KANSL1: variants seen among roughly 807,000 people sequenced by gnomAD.
KANSL1 encodes MLL1/MLL complex subunit KANSL1.
KANSL1 carries 22 observed loss-of-function variants against 103.6 expected under a neutral mutation model. The ratio of observed to expected loss-of-function variants is 0.21; its 90% CI spans 0.15 to 0.30. The LOEUF (loss-of-function observed/expected upper bound fraction) is 0.30. Ranked by LOEUF, KANSL1 falls within the 10% of genes least tolerant of loss-of-function variation. The probability of loss-of-function intolerance (pLI) is 1.00; values close to 1 mark genes in which losing one functional copy is unlikely to be tolerated. For missense variants in KANSL1, 1,337 were observed against 1,399.8 expected (o/e 0.96, Z 0.72); for synonymous variants, 600 against 527.6 (o/e 1.14, Z -1.88).
chr17:46,094,285 C>T (rs2079528893), intron 3 of KANSL1: 1 of 408,130 alleles, frequency 2.5e-6, no homozygotes, highest in Non-Finnish European at 4.3e-6. Flanking sequence ...TTTGTAAAGA[C>T]AAGGTCTCAC....
intron 2 of KANSL1, among the ~76,000 whole-genome samples, chr17:46,133,596 T>C (rs915108099): frequency 6.6e-6 from 1 of 152,218 alleles, no homozygotes; most frequent in African/African-American, 2.4e-5. Flanking sequence ...CTAGTGCTTT[T>C]GTATAGTTTT....
chr17:46,054,357 G>C (rs947013035), intron 6 of KANSL1, among the ~76,000 whole-genome samples: 1 of 152,122 alleles, frequency 6.6e-6, no homozygotes, highest in Non-Finnish European at 1.5e-5. Context: ...ACCGGTCCCA[G>C]TCATGAAATC....
chr17:46,066,917 T>C (rs1011040855), intron 5 of KANSL1, among the ~76,000 whole-genome samples, 185 bp from the exon 6 acceptor site: 2 of 152,250 alleles, frequency 1.3e-5, no homozygotes, highest in African/African-American at 4.8e-5. Context: ...TCTACCTGTG[T>C]GTGCTTATGT....
chr17:46,082,664 T>C, intron 3 of KANSL1, 122 bp from the exon 4 acceptor site: 1 of 504,186 alleles, frequency 2.0e-6, no homozygotes, highest in Non-Finnish European at 3.5e-6. Context: ...CACCCTATGG[T>C]TCAGAAACAA....
chr17:46,039,755 T>G lies in KANSL1; in HGVS notation c.2150A>C (p.Asp717Ala). The G allele has an allele frequency of 6.2e-7, 1 of 1,614,190 alleles. No individual in the cohort carries two copies. Among genetic ancestry groups the G allele is most frequent in the Non-Finnish European group, 8.5e-7 (1 of 1,180,020 alleles). Residue 717 changes from aspartate to alanine, a missense_variant, in exon 8 of 15, where the codon GAT becomes GCT. Physicochemically the swap from Asp to Ala is moderately radical, Grantham distance 126. Transcript: ENST00000432791. ...HRAPMPGSLPDSARKDRHKLV... is the reference protein window; with the variant it reads ...HRAPMPGSLPASARKDRHKLV... ...TTTGTGCCTGTCCTTACGAGCTGAATCTGGCAGACTGCCCGGCATGGGTGC... is the reference window on the plus strand; with the variant it reads ...TTTGTGCCTGTCCTTACGAGCTGAAGCTGGCAGACTGCCCGGCATGGGTGC...
Position 46,171,552 on chromosome 17 carries a change from A to T in KANSL1, c.592T>A (p.Ser198Thr), listed in dbSNP as rs1180563845. 3.1e-6 allele frequency: 5 copies of T among 1,610,570 alleles called. No homozygotes were observed. The highest frequency in any genetic ancestry group is 4.2e-6 in the Non-Finnish European group (5 of 1,178,474). ...LHGGEMGGSE[S>T]GDLKGGMTNC... is the part of the protein sequence containing the mutation. ...GTCATACCCCCCTTCAAGTCCCCAG[A>T]TTCAGATCCTCCCATTTCACCCCCA... Residue 198 changes from serine (S) to threonine (T), a missense_variant, in exon 2 of 15, where the codon TCT (serine) becomes ACT (threonine). Coordinates refer to ENST00000432791, the MANE Select transcript of KANSL1 (RefSeq NM_015443.4).
intron 4 of KANSL1, among the ~76,000 whole-genome samples, chr17:46,075,722 T>G (rs2146751942): frequency 6.6e-6 from 1 of 152,338 alleles, no homozygotes; most frequent in Non-Finnish European, 1.5e-5. Context: ...GTCTACAGGT[T>G]CCTATCAGTT....
intron 1 of KANSL1, among the ~76,000 whole-genome samples, chr17:46,179,506 G>C (rs905608137): frequency 3.9e-5 from 6 of 152,224 alleles, no homozygotes; most frequent in African/African-American, 1.2e-4. Flanking sequence ...GGGAAGAAAA[G>C]TTTGCCCATA....
intron 2 of KANSL1, among the ~76,000 whole-genome samples, chr17:46,169,161 T>C (rs2532277): frequency 0.12 from 18,421 of 150,120 alleles, 22 homozygotes; most frequent in Middle Eastern, 0.19. Flanking sequence ...AAGATATTTT[T>C]AAAGCGGTGA....
chr17:46,073,092 A>G (rs115618956), intron 4 of KANSL1, among the ~76,000 whole-genome samples: 237 of 152,330 alleles, frequency 1.6e-3, no homozygotes, highest in African/African-American at 5.4e-3. Context: ...TGTCAGGCCA[A>G]TGAACTACTC....
At chr17:46,208,936 C>G (rs1373956009) in intron 1 of KANSL1, among the ~76,000 whole-genome samples, 1 of 152,024 alleles carries the variant, frequency 6.6e-6, no homozygotes, top group Non-Finnish European at 1.5e-5. Flanking sequence ...TTTGGGAGGC[C>G]GAGTGGGGCG....
intron 1 of KANSL1, among the ~76,000 whole-genome samples, chr17:46,191,588 T>G (rs2047325771): frequency 6.6e-6 from 1 of 150,962 alleles, no homozygotes; most frequent in South Asian, 2.1e-4. Flanking sequence ...TAGCAATCTA[T>G]AACTATATCA....
chr17:46,172,556 C>A (rs1023994991), intron 1 of KANSL1, among the ~76,000 whole-genome samples: 2 of 152,066 alleles, frequency 1.3e-5, no homozygotes, highest in Non-Finnish European at 2.9e-5. Flanking sequence ...AAAAAAAAAT[C>A]TCTTTAAGCT....
intron 2 of KANSL1, among the ~76,000 whole-genome samples, chr17:46,162,512 C>G (rs1376056811): frequency 6.6e-6 from 1 of 152,214 alleles, no homozygotes; most frequent in African/African-American, 2.4e-5. Context: ...CATATCCATC[C>G]AATGTAGTTA....
At chr17:46,054,737 C>A (rs1281606863) in intron 6 of KANSL1, among the ~76,000 whole-genome samples, 1 of 152,182 alleles carries the variant, frequency 6.6e-6, no homozygotes, top group Admixed American at 6.6e-5. Flanking sequence ...CTATATTTCT[C>A]CAAGATAGCA....
intron 2 of KANSL1, among the ~76,000 whole-genome samples, 191 bp from the exon 3 acceptor site, chr17:46,094,892 AT>A (rs1216306837): frequency 1.3e-5 from 2 of 152,188 alleles, no homozygotes; most frequent in Non-Finnish European, 2.9e-5. Flanking sequence ...CCAAATAGGT[AT>A]TTCCCAAATT....
chr17:46,133,829 G>C (rs542661413), intron 2 of KANSL1, among the ~76,000 whole-genome samples: 34 of 152,274 alleles, frequency 2.2e-4, no homozygotes, highest in African/African-American at 7.7e-4. Context: ...TAAAATAACA[G>C]ATTTTGGAGG....
intron 1 of KANSL1, among the ~76,000 whole-genome samples, chr17:46,177,968 A>G (rs1033247869): frequency 6.6e-6 from 1 of 152,188 alleles, no homozygotes; most frequent in East Asian, 1.9e-4. Context: ...TAGTAGAGAC[A>G]GGGTTTCACC....
intron 2 of KANSL1, among the ~76,000 whole-genome samples, chr17:46,115,661 T>C (rs919778166): frequency 6.6e-6 from 1 of 152,250 alleles, no homozygotes; most frequent in Non-Finnish European, 1.5e-5. Flanking sequence ...AAAAACAGTT[T>C]ATTTATAGGA....
Sources: allele counts gnomAD v4.1 joint callset (sites outside exome capture counted in the v4.1 genomes callset), GRCh38; gene constraint gnomAD v4.1.1; transcripts MANE v1.5; gene names NCBI Gene and HGNC (gene_info 2026-07-23, HGNC 2026-07-21).